PRDM16: variants seen among roughly 807,000 people sequenced by gnomAD.
The protein encoded by PRDM16 is histone-lysine N-methyltransferase PRDM16.
A neutral mutation model predicts 110.6 loss-of-function variants in PRDM16; 23 were observed. The ratio of observed to expected loss-of-function variants is 0.21; its 90% CI spans 0.15 to 0.29. The LOEUF (loss-of-function observed/expected upper bound fraction) is 0.29. Among genes scored for constraint, PRDM16 ranks in the 10% least tolerant of loss-of-function variants. The pLI is 1.00. For missense variants in PRDM16, 1,615 were observed against 1,794.3 expected, an observed-to-expected ratio of 0.90 and a Z score of 1.81; for synonymous variants, 799 against 781.8, an observed-to-expected ratio of 1.02 and a Z score of -0.37.
At chr1:3,071,693 C>G (rs984569422) in intron 1 of PRDM16, among the ~76,000 whole-genome samples, 2 of 151,950 alleles carry the variant, frequency 1.3e-5, no homozygotes, top group African/African-American at 2.4e-5. Flanking sequence ...GCACTCCAGC[C>G]AGCAGGTCCT....
chr1:3,333,362 G>A (rs752657616), intron 3 of PRDM16, among the ~76,000 whole-genome samples: 7 of 152,140 alleles, frequency 4.6e-5, no homozygotes, highest in Middle Eastern at 3.2e-3. Context: ...TTCCCACAAC[G>A]GGGAGGCTGA....
At chr1:3,127,134 G>T (rs192754995) in intron 1 of PRDM16, among the ~76,000 whole-genome samples, 2 of 152,294 alleles carry the variant, frequency 1.3e-5, no homozygotes, top group Admixed American at 1.3e-4. Context: ...AGGCCCAGAC[G>T]GTCTCTTGTT....
chr1:3,275,934 T>C (rs1326079316), intron 3 of PRDM16, among the ~76,000 whole-genome samples: 1 of 152,204 alleles, frequency 6.6e-6, no homozygotes, highest in Non-Finnish European at 1.5e-5. Context: ...TTTCCCTTTC[T>C]CTGTGACCCA....
Position 3,186,246 on chromosome 1 carries a change from C to T in PRDM16, c.159C>T (p.Pro53=). 6.2e-7 allele frequency: 1 copy of T among 1,612,436 alleles called. No homozygotes were observed. Among genetic ancestry groups the T allele is most frequent in the South Asian group, 1.1e-5 (1 of 91,036 alleles). The change falls in exon 2 of 17, where the codon CCC becomes CCT. Residue 53 remains proline (P), a synonymous_variant. Transcript: ENST00000270722. ...CCATCCCCGTGGGGCCACCGTCCCCCTTCCCCACCAGCGAGGACTTCACCC... is the reference window on the plus strand; with the variant it reads ...CCATCCCCGTGGGGCCACCGTCCCCTTTCCCCACCAGCGAGGACTTCACCC... ...MSPIPVGPPS[P]FPTSEDFTPK...
intron 2 of PRDM16, among the ~76,000 whole-genome samples, chr1:3,225,573 T>TGTGTGTGTGCGCGCGCGCGC (rs1336272072): frequency 1.5e-4 from 19 of 129,796 alleles, no homozygotes; most frequent in African/African-American, 4.8e-4. Context: ...TGTGTGTGTG[T>TGTGTGTGTGCGCGCGCGCGC]GCGCGCGCGC....
At chr1:3,392,610 G>T (rs763536354) in intron 4 of PRDM16, among the ~76,000 whole-genome samples, 1 of 152,204 alleles carries the variant, frequency 6.6e-6, no homozygotes, top group Non-Finnish European at 1.5e-5. Context: ...CTCTTTTCTT[G>T]TGAATTGATT....
chr1:3,153,421 G>A (rs905554149), intron 1 of PRDM16, among the ~76,000 whole-genome samples: 13 of 152,354 alleles, frequency 8.5e-5, no homozygotes, highest in African/African-American at 3.1e-4. Flanking sequence ...AGTGGTCCAT[G>A]TGCGGCTAGA....
chr1:3,207,335 C>A (rs921378379), intron 2 of PRDM16: 1 of 152,248 alleles, frequency 6.6e-6, no homozygotes, highest in East Asian at 1.9e-4. Flanking sequence ...GCAAGTTTTA[C>A]GACCTTGGGA....
At chr1:3,181,742 GGAGTCTTACACACGGTCTTACACA>G (rs1644202924) in intron 1 of PRDM16, among the ~76,000 whole-genome samples, 1 of 111,278 alleles carries the variant, frequency 9.0e-6, no homozygotes, top group African/African-American at 3.8e-5. Context: ...TCTTACACAC[GGAGTCTTACACACGGTCTTACACA>G]CAGTCTTACA....
chr1:3,401,386 C>G (rs1643465185), intron 5 of PRDM16, among the ~76,000 whole-genome samples: 1 of 152,180 alleles, frequency 6.6e-6, no homozygotes, highest in Non-Finnish European at 1.5e-5. Flanking sequence ...AGACTCTGCT[C>G]AATGCTGGGC....
chr1:3,275,468 G>A (rs1031758618), intron 3 of PRDM16, among the ~76,000 whole-genome samples: 1 of 152,172 alleles, frequency 6.6e-6, no homozygotes, highest in African/African-American at 2.4e-5. Context: ...GGAGAAGGAG[G>A]GCCTGGGGGA....
At chr1:3,177,099 C>G (rs146612892) in intron 1 of PRDM16, among the ~76,000 whole-genome samples, 2 of 152,302 alleles carry the variant, frequency 1.3e-5, no homozygotes, top group Non-Finnish European at 2.9e-5. Flanking sequence ...ATCCACTTAT[C>G]TATGTATTCA....
At position 3,201,819 on chromosome 1, in the gene PRDM16, C is replaced by T. The variant is rs1026139621; in HGVS notation, c.387+15345C>T. Among the ~76,000 whole-genome samples the T allele has an allele frequency of 2.0e-5, 3 of 152,344 alleles. No individual in the cohort carries two copies. Among genetic ancestry groups the T allele is most frequent in the African/African-American group, 7.2e-5 (3 of 41,580 alleles). Reference sequence around the variant, plus strand: ...CTGTTTCTACCTCGGGTTGGTGTCTCCCGCCCACTTCTGTGTCCACTGCAG... The same window carrying T: ...CTGTTTCTACCTCGGGTTGGTGTCTTCCGCCCACTTCTGTGTCCACTGCAG... On this transcript the variant is annotated intron_variant, in intron 2 of 16. Transcript: ENST00000270722. This position sits in a 1 kb window ranked among gnomAD's most constrained non-coding sequence, Gnocchi z 4.1.
intron 3 of PRDM16, among the ~76,000 whole-genome samples, chr1:3,326,150 C>T (rs1219693238): frequency 1.3e-5 from 2 of 149,546 alleles, no homozygotes; most frequent in East Asian, 2.0e-4. Flanking sequence ...CCTTGGCCCT[C>T]GTTGGCCATC....
At chr1:3,094,663 G>T (rs890875274) in intron 1 of PRDM16, among the ~76,000 whole-genome samples, 2 of 152,260 alleles carry the variant, frequency 1.3e-5, no homozygotes, top group African/African-American at 4.8e-5. Flanking sequence ...TTGCTTATTG[G>T]TGTGAACAGA....
At chr1:3,294,308 C>A (rs943881752) in intron 3 of PRDM16, among the ~76,000 whole-genome samples, 1 of 152,172 alleles carries the variant, frequency 6.6e-6, no homozygotes, top group East Asian at 1.9e-4. Flanking sequence ...AGGGCACCCC[C>A]GGACTTCTCC....
intron 3 of PRDM16, among the ~76,000 whole-genome samples, chr1:3,274,062 C>T (rs1640528452): frequency 6.9e-6 from 1 of 145,856 alleles, no homozygotes; most frequent in African/African-American, 2.5e-5. Flanking sequence ...AAATTTTTAA[C>T]TAATTGAGTA....
At chr1:3,184,193 C>T (rs1298163777) in intron 1 of PRDM16, among the ~76,000 whole-genome samples, 1 of 152,246 alleles carries the variant, frequency 6.6e-6, no homozygotes, top group African/African-American at 2.4e-5. Flanking sequence ...AATTACTTCT[C>T]TGAATGCTGA....
intron 2 of PRDM16, among the ~76,000 whole-genome samples, chr1:3,225,159 GA>G (rs57750843): frequency 0.3 from 45,049 of 150,572 alleles, 8,398 homozygotes; most frequent in African/African-American, 0.52. Flanking sequence ...AGCTTGGAAG[GA>G]AAAAAAAAGG....
Sources: gnomAD v4.1 joint callset for allele counts (sites outside exome capture counted in the v4.1 genomes callset) on GRCh38, gnomAD v4.1.1 for gene constraint, Gnocchi (gnomAD v3.1) non-coding constraint, MANE v1.5 for transcripts, NCBI Gene and HGNC (gene_info 2026-07-23, HGNC 2026-07-21) for gene names.